BTBD9: variants seen among roughly 807,000 people sequenced by gnomAD.
The protein encoded by BTBD9 is BTB/POZ domain-containing protein 9.
Under a neutral mutation model 64.3 loss-of-function variants are expected in BTBD9, and 49 were observed. The observed-to-expected ratio is 0.76, with a 90% CI of 0.61 to 0.97. The LOEUF is 0.97. BTBD9 is among the 50% of genes least tolerant of loss of function. BTBD9 has a pLI of 0.00. For missense variants in BTBD9, 598 were observed against 762.1 expected (o/e 0.78, Z 2.53); for synonymous variants, 260 against 274.7 (o/e 0.95, Z 0.53).
At chr6:38,510,885 G>C (rs966837772) in intron 6 of BTBD9, among the ~76,000 whole-genome samples, 1 of 152,104 alleles carries the variant, frequency 6.6e-6, no homozygotes, top group Non-Finnish European at 1.5e-5. Context: ...GCCTTCTTCC[G>C]AAATACCTCC....
At chr6:38,520,378 T>C (rs1388316721) in intron 6 of BTBD9, among the ~76,000 whole-genome samples, 1 of 152,088 alleles carries the variant, frequency 6.6e-6, no homozygotes, top group Non-Finnish European at 1.5e-5. Flanking sequence ...GGATAATCAC[T>C]TGAACCCGAG....
intron 7 of BTBD9, among the ~76,000 whole-genome samples, chr6:38,326,374 T>A (rs1562027454): frequency 6.6e-6 from 1 of 152,200 alleles, no homozygotes; most frequent in Non-Finnish European, 1.5e-5. Flanking sequence ...TGGTGAAGAT[T>A]TTGAGCTTTC....
At chr6:38,558,989 T>A (rs1441227526) in intron 6 of BTBD9, among the ~76,000 whole-genome samples, 1 of 152,210 alleles carries the variant, frequency 6.6e-6, no homozygotes, top group Admixed American at 6.5e-5. Context: ...TCTGGATAGC[T>A]GGTAGAATTT....
chr6:38,549,325 T>A (rs1003447500), intron 6 of BTBD9, among the ~76,000 whole-genome samples: 2 of 152,246 alleles, frequency 1.3e-5, no homozygotes, highest in African/African-American at 4.8e-5. Context: ...AACACTGTGC[T>A]AGCACAGAAG....
intron 9 of BTBD9, among the ~76,000 whole-genome samples, chr6:38,237,827 A>G (rs1296460070): frequency 1.6e-5 from 2 of 127,486 alleles, no homozygotes; most frequent in Non-Finnish European, 3.3e-5. Context: ...TTTCAATGGT[A>G]TTTTCCAATG....
chr6:38,465,747 ATATATATATG>A (rs1264299714), intron 6 of BTBD9, among the ~76,000 whole-genome samples: 119 of 43,044 alleles, frequency 2.8e-3, no homozygotes, highest in East Asian at 0.012. Context: ...ATATATATAT[ATATATATATG>A]TATGTATGTA....
chr6:38,621,215 G>A (rs1056189377), intron 1 of BTBD9, among the ~76,000 whole-genome samples: 2 of 152,184 alleles, frequency 1.3e-5, no homozygotes, highest in African/African-American at 4.8e-5. Flanking sequence ...GGTGCCAAAG[G>A]AAATTTATGG....
At chr6:38,277,034 A>G (rs1278971224) in intron 8 of BTBD9, among the ~76,000 whole-genome samples, 1 of 152,202 alleles carries the variant, frequency 6.6e-6, no homozygotes, top group East Asian at 1.9e-4. Flanking sequence ...GGATATGGTA[A>G]ACTATAGTTA....
intron 9 of BTBD9, among the ~76,000 whole-genome samples, chr6:38,206,820 T>C (rs965438727): frequency 6.6e-6 from 1 of 151,718 alleles, no homozygotes; most frequent in Non-Finnish European, 1.5e-5. Context: ...AATAAGCACA[T>C]AGTTTAGAAT....
intron 6 of BTBD9, among the ~76,000 whole-genome samples, chr6:38,419,451 G>A (rs1389367549): frequency 6.6e-6 from 1 of 152,190 alleles, no homozygotes. Context: ...TTTCATTTAT[G>A]AGACCTGTCA....
chr6:38,469,400 C>G (rs1770536194), intron 6 of BTBD9, among the ~76,000 whole-genome samples: 1 of 148,524 alleles, frequency 6.7e-6, no homozygotes, highest in African/African-American at 2.5e-5. Context: ...CTCACTGCAA[C>G]CTCCGCCTCC....
chr6:38,235,275 A>G (rs1181622002), intron 9 of BTBD9, among the ~76,000 whole-genome samples: 1 of 152,200 alleles, frequency 6.6e-6, no homozygotes, highest in Non-Finnish European at 1.5e-5. Flanking sequence ...CTGCAGGTAG[A>G]CACTGCATTT....
At chr6:38,328,564 CGT>C (rs201357884) in intron 7 of BTBD9, among the ~76,000 whole-genome samples, 11,981 of 130,252 alleles carry the variant, frequency 0.092, 525 homozygotes, top group Middle Eastern at 0.12. Flanking sequence ...TTTAAGCCAC[CGT>C]GTGTGTGTGT....
rs1453015726 is a variant in BTBD9 at position 38,182,632 on chromosome 6, C to T, written c.1642-7450G>A. On this transcript the variant is annotated intron_variant, in intron 10 of 10. Coordinates refer to ENST00000481247, the MANE Select transcript of BTBD9 (RefSeq NM_001099272.2). ...CTTCACTTTGTGTGACCAGGCTCCG[C>T]ATGTACCTTCTGTCTCAAAGGGCTC... Among the ~76,000 whole-genome samples, 5 of 152,280 alleles carry T rather than the reference C, an allele frequency of 3.3e-5. No homozygotes were observed. In the East Asian group the frequency reaches 5.8e-4, roughly 18 times the overall value.
intron 6 of BTBD9, among the ~76,000 whole-genome samples, chr6:38,454,681 C>T (rs932341438): frequency 6.6e-6 from 1 of 151,368 alleles, no homozygotes; most frequent in Non-Finnish European, 1.5e-5. Flanking sequence ...GCCTGTTGTC[C>T]TAGCTACTGG....
At chr6:38,453,196 T>C (rs560944312) in intron 6 of BTBD9, among the ~76,000 whole-genome samples, 3 of 152,262 alleles carry the variant, frequency 2.0e-5, no homozygotes, top group South Asian at 2.1e-4. Context: ...AGACCACTAA[T>C]AGAGTTTAGT....
At chr6:38,478,512 C>T (rs1265745704) in intron 6 of BTBD9, among the ~76,000 whole-genome samples, 1 of 152,144 alleles carries the variant, frequency 6.6e-6, no homozygotes, top group Non-Finnish European at 1.5e-5. Flanking sequence ...TCATCTACAA[C>T]CACTTTCTCT....
At chr6:38,303,560 C>T (rs1032493214) in intron 7 of BTBD9, among the ~76,000 whole-genome samples, 5 of 151,802 alleles carry the variant, frequency 3.3e-5, no homozygotes, top group Non-Finnish European at 7.4e-5. Context: ...CACCAGTTGT[C>T]TCTGTTTACT....
chr6:38,413,885 A>G (rs1582389648), intron 6 of BTBD9, among the ~76,000 whole-genome samples: 1 of 152,166 alleles, frequency 6.6e-6, no homozygotes, highest in Non-Finnish European at 1.5e-5. Context: ...TAATAATAAT[A>G]ATCCATAAAA....
Sources: allele counts gnomAD v4.1 joint callset (sites outside exome capture counted in the v4.1 genomes callset), GRCh38; gene constraint gnomAD v4.1.1; transcripts MANE v1.5; gene names NCBI Gene and HGNC (gene_info 2026-07-23, HGNC 2026-07-21).